Variants in COL14A1 observed in about 807,000 individuals in gnomAD.
COL14A1 encodes the protein collagen alpha-1(XIV) chain.
A neutral mutation model predicts 230.3 loss-of-function variants in COL14A1; 136 were observed. The observed-to-expected ratio is 0.59, with a 90% CI of 0.51 to 0.68. The LOEUF is 0.68. Ranked by LOEUF, COL14A1 falls within the 30% of genes least tolerant of loss-of-function variation. COL14A1 has a pLI of 0.00. For synonymous variants in COL14A1, 792 were observed against 784.1 expected (o/e 1.01, Z -0.17); for missense variants, 1,976 against 2,215.8 (o/e 0.89, Z 2.17).
At chr8:120,248,645 C>T (rs560005030) in intron 21 of COL14A1, among the ~76,000 whole-genome samples, 118 of 152,136 alleles carry the variant, frequency 7.8e-4, no homozygotes, top group Middle Eastern at 3.4e-3. Flanking sequence ...TTGCTTGAGT[C>T]CAGGAGTTTG....
At chr8:120,356,563 C>T (rs1291686662) in intron 45 of COL14A1, among the ~76,000 whole-genome samples, 1 of 152,168 alleles carries the variant, frequency 6.6e-6, no homozygotes, top group African/African-American at 2.4e-5. Context: ...TCCTGACTTT[C>T]ATGGCACCTT....
intron 6 of COL14A1, among the ~76,000 whole-genome samples, chr8:120,197,266 T>C (rs1047299420): frequency 2.0e-5 from 3 of 152,140 alleles, no homozygotes; most frequent in African/African-American, 7.2e-5. Context: ...TAGCTAAATC[T>C]AGGAAAATGT....
At chr8:120,219,090 CT>C (rs1157662639) in intron 14 of COL14A1, among the ~76,000 whole-genome samples, 3 of 151,776 alleles carry the variant, frequency 2.0e-5, no homozygotes, top group Non-Finnish European at 4.4e-5. Flanking sequence ...ATTTGGTTTA[CT>C]GTAACAAAAT....
At position 120,166,922 on chromosome 8, in the gene COL14A1, G is replaced by GT. The variant is rs1217998586; in HGVS notation, c.350-1239_350-1238insT. Among the ~76,000 whole-genome samples the GT allele has an allele frequency of 3.5e-3, 466 of 134,392 alleles. 2 individuals are homozygous for GT. The highest frequency in any genetic ancestry group is 8.4e-3 in the African/African-American group (289 of 34,264). The allele number at this position is 134,392 out of a possible 152,430, so 88.2% of individuals were successfully genotyped here. On this transcript the variant is annotated intron_variant, in intron 4 of 47. Transcript: ENST00000297848. Reference sequence around the variant, plus strand: ...TGTGTGTGTGTGTGTGTGTGTGTGTGGTGGTGATGATGGTGGTGGTGGGGG... The same window carrying GT: ...TGTGTGTGTGTGTGTGTGTGTGTGTGTGTGGTGATGATGGTGGTGGTGGGGG...
Position 120,209,787 on chromosome 8 carries a change from G to C in COL14A1, c.1353G>C (p.Leu451=). The C allele has an allele frequency of 6.2e-7, 1 of 1,613,478 alleles. No individual in the cohort carries two copies. The highest frequency in any genetic ancestry group is 8.5e-7 in the Non-Finnish European group (1 of 1,179,736). The change falls in exon 12 of 48, where the codon CTG becomes CTC. Residue 451 remains leucine, a synonymous_variant. Coordinates refer to ENST00000297848, the MANE Select transcript of COL14A1 (RefSeq NM_021110.4). ...LALPMASDLL[L]YDVTENSMRV... ...TACCGATGGCTTCTGACCTTCTACT[G>C]TACGACGTGACTGAGAACAGCATGC...
chr8:120,335,996 G>A (rs1231091716), intron 42 of COL14A1, among the ~76,000 whole-genome samples: 1 of 152,162 alleles, frequency 6.6e-6, no homozygotes, highest in Non-Finnish European at 1.5e-5. Context: ...CACATCAGTT[G>A]CACAAATCAT....
chr8:120,151,722 A>G (rs1815291877), intron 2 of COL14A1, among the ~76,000 whole-genome samples: 2 of 152,034 alleles, frequency 1.3e-5, no homozygotes, highest in African/African-American at 4.8e-5. Flanking sequence ...TAATCTTCAG[A>G]ACTAGTGAAT....
intron 26 of COL14A1, chr8:120,277,533 T>TA (rs1399967248): frequency 6.6e-6 from 1 of 152,030 alleles, no homozygotes; most frequent in East Asian, 1.9e-4. Context: ...GTGGACTGCG[T>TA]AAAGAAAATG....
At chr8:120,370,945 CA>C in intron 47 of COL14A1, 1 of 1,132,422 alleles carries the variant, frequency 8.8e-7, no homozygotes, top group Non-Finnish European at 1.2e-6. Context: ...AGTTTTCTAA[CA>C]ATTTCTGTAA....
chr8:120,129,437 A>G (rs765751786), intron 1 of COL14A1, among the ~76,000 whole-genome samples: 1 of 152,224 alleles, frequency 6.6e-6, no homozygotes, highest in South Asian at 2.1e-4. Flanking sequence ...CAGGTGAAGA[A>G]CATTCTTGTG....
chr8:120,134,353 A>T (rs1225663297), intron 1 of COL14A1, among the ~76,000 whole-genome samples: 1 of 152,132 alleles, frequency 6.6e-6, no homozygotes, highest in Non-Finnish European at 1.5e-5. Context: ...AATAAAATAT[A>T]GCATTGTTAA....
Position 120,199,334 on chromosome 8 carries a change from T to C in COL14A1, c.713-68T>C. The C allele has an allele frequency of 5.0e-6, 7 of 1,396,172 alleles. No homozygotes were observed. In the South Asian group the frequency reaches 9.6e-5, roughly 19 times the overall value. The allele number at this position is 1,396,172 out of a possible 1,614,324, so 86.5% of individuals were successfully genotyped here. ...CAATAGGTTACCCATCTTGTGGTTA[T>C]ATCTTGAAGAATTAGGAGACTTTTT... On this transcript the variant is annotated intron_variant, in intron 7 of 47. Coordinates refer to ENST00000297848, the MANE Select transcript of COL14A1 (RefSeq NM_021110.4).
intron 45 of COL14A1, among the ~76,000 whole-genome samples, chr8:120,362,374 A>G (rs547921367): frequency 6.6e-6 from 1 of 152,344 alleles, no homozygotes; most frequent in Admixed American, 6.5e-5. Context: ...CAGTGCTGAT[A>G]CACTCTCAGG....
chr8:120,283,754 C>T lies in COL14A1; in HGVS notation c.3943C>T (p.Pro1315Ser), dbSNP rs2129920895. The T allele has an allele frequency of 1.2e-6, 2 of 1,611,928 alleles. No homozygotes were observed. The highest frequency in any genetic ancestry group is 1.7e-6 in the Non-Finnish European group (2 of 1,179,386). ...LWEILNKNSD[P>S]LVGVILDNGG... The stretch of plus-strand genomic sequence containing the variant: ...GGAGATTTTAAATAAAAATTCTGAC[C>T]CATTGGTTGGGGTTATTTTAGACAG... The change falls in exon 32 of 48, where the codon CCA becomes TCA. Residue 1315 changes from proline (P) to serine (S), a missense_variant. Around this residue, in one of 3 missense-constraint regions of COL14A1, gnomAD observed 1,791 missense variants for 2,019.5 expected, o/e 0.89. Transcript: ENST00000297848.
chr8:120,163,275 C>T (rs1815751086), intron 4 of COL14A1, among the ~76,000 whole-genome samples: 1 of 152,106 alleles, frequency 6.6e-6, no homozygotes. Flanking sequence ...ACTCTCTCTG[C>T]CCGAGTAATG....
At chr8:120,158,844 T>C (rs892767799) in intron 3 of COL14A1, among the ~76,000 whole-genome samples, 1 of 152,188 alleles carries the variant, frequency 6.6e-6, no homozygotes, top group Non-Finnish European at 1.5e-5. Flanking sequence ...CAACATCATT[T>C]GGTTGAATTT....
chr8:120,202,355 T>C (rs1025209044), intron 8 of COL14A1, among the ~76,000 whole-genome samples: 5 of 152,186 alleles, frequency 3.3e-5, no homozygotes, highest in African/African-American at 1.2e-4. Context: ...TTGCTCAATA[T>C]GTTGGGGTTG....
Position 120,289,617 on chromosome 8 carries a change from G to C in COL14A1, c.4087G>C (p.Val1363Leu). The stretch of plus-strand genomic sequence containing the variant: ...TCTTACTTTTACCTAGCTACACATT[G>C]TTGTCAGTGAGACTTTGGTCAAAGT... Reference protein sequence around the residue: ...FYGSFHKLHIVVSETLVKVVI... With the variant: ...FYGSFHKLHILVSETLVKVVI... The change falls in exon 34 of 48, where the codon GTT (valine) becomes CTT (leucine). Residue 1363 changes from valine to leucine, a missense_variant. Val to Leu is a conservative substitution (Grantham distance 32, BLOSUM62 1). This residue lies in a region of COL14A1 where 1,791 missense variants were observed against 2,019.5 expected (regional missense o/e 0.89). Transcript: ENST00000297848. 1 of 1,613,634 alleles carries C rather than the reference G, an allele frequency of 6.2e-7. No homozygotes were observed. The highest frequency in any genetic ancestry group is 8.5e-7 in the Non-Finnish European group (1 of 1,179,850).
chr8:120,312,788 A>G (rs745570230), intron 37 of COL14A1, among the ~76,000 whole-genome samples: 45 of 152,044 alleles, frequency 3.0e-4, no homozygotes, highest in Non-Finnish European at 5.1e-4. Context: ...CCCACACTTT[A>G]CCCCACAATG....
Sources: gnomAD v4.1 joint callset for allele counts (sites outside exome capture counted in the v4.1 genomes callset) on GRCh38, gnomAD v4.1.1 for gene constraint, gnomAD v4.1.1 regional missense constraint, MANE v1.5 for transcripts, NCBI Gene and HGNC (gene_info 2026-07-23, HGNC 2026-07-21) for gene names.